The following DLGAP1 variants were observed in gnomAD, a reference collection of about 807,000 sequenced individuals.
DLGAP1 encodes disks large-associated protein 1.
In DLGAP1, 11 loss-of-function variants were observed where a neutral mutation model predicts 90.8. That is an observed-to-expected ratio of 0.12 (90% CI 0.08 to 0.20). The LOEUF is 0.20. Ranked by LOEUF, DLGAP1 falls within the 10% of genes least tolerant of loss-of-function variation. The pLI, the probability that DLGAP1 is intolerant of heterozygous loss-of-function variation, is 1.00. For synonymous variants in DLGAP1, 558 were observed against 540.7 expected, an observed-to-expected ratio of 1.03 and a Z score of -0.44; for missense variants, 1,050 against 1,333.8, an observed-to-expected ratio of 0.79 and a Z score of 3.31.
At chr18:4,370,095 TAA>T (rs1229613186) in intron 1 of DLGAP1, among the ~76,000 whole-genome samples, 3 of 152,100 alleles carry the variant, frequency 2.0e-5, no homozygotes, top group Non-Finnish European at 4.4e-5. Context: ...AGGACACAGG[TAA>T]TAAGGCTATA....
chr18:3,717,973 CTAATT>C (rs1412840285), intron 7 of DLGAP1, among the ~76,000 whole-genome samples: 1 of 152,174 alleles, frequency 6.6e-6, no homozygotes, highest in African/African-American at 2.4e-5. Context: ...ATTTATTTAA[CTAATT>C]TAGAAAGTGT....
chr18:3,899,027 C>A (rs1039731439), intron 3 of DLGAP1, among the ~76,000 whole-genome samples: 2 of 152,208 alleles, frequency 1.3e-5, no homozygotes, highest in African/African-American at 2.4e-5. Flanking sequence ...CGTATGGCCA[C>A]TTCTCACCAT....
intron 2 of DLGAP1, among the ~76,000 whole-genome samples, chr18:4,021,801 G>A (rs999521185): frequency 1.3e-5 from 2 of 152,090 alleles, no homozygotes; most frequent in African/African-American, 4.8e-5. Flanking sequence ...GATTCCCCGT[G>A]TTGGTCAGGC....
intron 3 of DLGAP1, among the ~76,000 whole-genome samples, chr18:3,908,077 A>G (rs1050240513): frequency 6.6e-6 from 1 of 152,224 alleles, no homozygotes; most frequent in Non-Finnish European, 1.5e-5. Context: ...CTGCACTGAA[A>G]AAATTTTTGG....
At chr18:3,637,728 C>T (rs1410114315) in intron 7 of DLGAP1, among the ~76,000 whole-genome samples, 1 of 151,564 alleles carries the variant, frequency 6.6e-6, no homozygotes, top group African/African-American at 2.4e-5. Flanking sequence ...GCTTAGGCAA[C>T]AAAGTGAGAT....
chr18:3,747,173 G>T (rs1215810421), intron 5 of DLGAP1, among the ~76,000 whole-genome samples: 1 of 152,068 alleles, frequency 6.6e-6, no homozygotes, highest in African/African-American at 2.4e-5. Flanking sequence ...ACATAGTGAG[G>T]CCCTGTCTGT....
intron 7 of DLGAP1, among the ~76,000 whole-genome samples, chr18:3,589,955 G>C (rs1303722968): frequency 6.6e-6 from 1 of 152,198 alleles, no homozygotes; most frequent in South Asian, 2.1e-4. Flanking sequence ...TTGTTGCCCA[G>C]GCTGGAGCGC....
rs185374373 is a variant in DLGAP1, at chr18:4,335,880, T to C, written c.-267+119126A>G. On this transcript the variant is annotated intron_variant, in intron 1 of 12. Coordinates refer to ENST00000315677, the MANE Select transcript of DLGAP1 (RefSeq NM_004746.4). ...GAAATTGAAAATTCTATCAGCAATTTATCATATTCAGGTATTTAAAGTGTG... is the reference window on the plus strand; with the variant it reads ...GAAATTGAAAATTCTATCAGCAATTCATCATATTCAGGTATTTAAAGTGTG... Among the ~76,000 whole-genome samples, 382 of 152,364 alleles carry C rather than the reference T, an allele frequency of 2.5e-3. 1 individual carries two copies. Among genetic ancestry groups the C allele is most frequent in the Non-Finnish European group, 3.5e-3 (235 of 68,042 alleles).
intron 5 of DLGAP1, among the ~76,000 whole-genome samples, chr18:3,752,791 G>A (rs907159484): frequency 5.9e-5 from 9 of 151,878 alleles, no homozygotes; most frequent in African/African-American, 1.7e-4. Flanking sequence ...ACATGTAGGT[G>A]CAAGCCACTG....
At chr18:4,313,036 G>T (rs545880876) in intron 1 of DLGAP1, among the ~76,000 whole-genome samples, 1 of 152,256 alleles carries the variant, frequency 6.6e-6, no homozygotes, top group African/African-American at 2.4e-5. Flanking sequence ...AGCAGAAAGT[G>T]ACCTACATTT....
chr18:3,831,864 G>A (rs2068051743), intron 4 of DLGAP1, among the ~76,000 whole-genome samples: 1 of 152,200 alleles, frequency 6.6e-6, no homozygotes, highest in Non-Finnish European at 1.5e-5. Context: ...TGGCTACTGT[G>A]TATAGGAGGG....
At chr18:4,075,690 A>G (rs750993846) in intron 2 of DLGAP1, among the ~76,000 whole-genome samples, 18 of 152,204 alleles carry the variant, frequency 1.2e-4, no homozygotes, top group Non-Finnish European at 2.4e-4. Context: ...AGAGAATGCT[A>G]TTTAATTATC....
chr18:3,728,958 A>G (rs1213658490), intron 7 of DLGAP1, among the ~76,000 whole-genome samples, 177 bp downstream of exon 7: 1 of 152,028 alleles, frequency 6.6e-6, no homozygotes, highest in African/African-American at 2.4e-5. Flanking sequence ...GAGGTGTGGG[A>G]GAGTGGCCAG....
At chr18:4,028,055 G>C (rs1270814808) in intron 2 of DLGAP1, among the ~76,000 whole-genome samples, 1 of 152,172 alleles carries the variant, frequency 6.6e-6, no homozygotes, top group East Asian at 1.9e-4. Context: ...TTCTTTGCTA[G>C]AAATGGCTGT....
intron 1 of DLGAP1, among the ~76,000 whole-genome samples, chr18:4,354,518 C>T (rs9964538): frequency 0.65 from 99,406 of 151,936 alleles, 32,588 homozygotes; most frequent in East Asian, 0.73. Context: ...AAACAGACAG[C>T]TTTCCTTAAG....
chr18:3,638,794 T>C (rs898593468), intron 7 of DLGAP1, among the ~76,000 whole-genome samples: 1 of 152,252 alleles, frequency 6.6e-6, no homozygotes. Flanking sequence ...CAGTACTTGA[T>C]ACCATTAGTA....
chr18:3,810,765 CT>C (rs1238995269), intron 5 of DLGAP1, among the ~76,000 whole-genome samples: 2 of 151,856 alleles, frequency 1.3e-5, no homozygotes, highest in African/African-American at 2.4e-5. Context: ...GTGTATTTTC[CT>C]TTTTTTCTTT....
At chr18:3,962,435 G>A (rs967726471) in intron 3 of DLGAP1, 1 of 152,182 alleles carries the variant, frequency 6.6e-6, no homozygotes, top group Non-Finnish European at 1.5e-5. Flanking sequence ...TCCCTTGTAA[G>A]TAATCTGTGT....
At chr18:3,826,757 C>T (rs576642967) in intron 4 of DLGAP1, among the ~76,000 whole-genome samples, 1 of 152,228 alleles carries the variant, frequency 6.6e-6, no homozygotes, top group South Asian at 2.1e-4. Flanking sequence ...GATACAGACA[C>T]ATTCTAGTTC....
Sources: allele counts gnomAD v4.1 joint callset (sites outside exome capture counted in the v4.1 genomes callset), GRCh38; gene constraint gnomAD v4.1.1; transcripts MANE v1.5; gene names NCBI Gene and HGNC (gene_info 2026-07-23, HGNC 2026-07-21).